AAK1: variants seen among roughly 807,000 people sequenced by gnomAD.
The protein encoded by AAK1 is AP2-associated protein kinase 1.
In AAK1, 37 loss-of-function variants were observed where a neutral mutation model predicts 116.0. The observed-to-expected ratio is 0.32, with a 90% confidence interval of 0.25 to 0.42. The LOEUF is 0.42. Among genes scored for constraint, AAK1 ranks in the 10% least tolerant of loss-of-function variants. AAK1 has a pLI of 1.00. For synonymous variants in AAK1, 458 were observed against 439.9 expected (o/e 1.04, Z -0.51); for missense variants, 919 against 1,170.6 (o/e 0.79, Z 3.14).
In AAK1 at chr2:69,468,432, T is replaced by G. The variant is rs981780545; in HGVS notation, c.*7437A>C. Reference sequence around the variant, plus strand: ...AACCACCTTCCTCACATAGTATCAGTTGGACAAAGTTTTCAGTTGCCAAAA... The same window carrying G: ...AACCACCTTCCTCACATAGTATCAGGTGGACAAAGTTTTCAGTTGCCAAAA... On this transcript the variant is annotated 3_prime_UTR_variant, in exon 22 of 22. Coordinates refer to ENST00000409085, the MANE Select transcript of AAK1 (RefSeq NM_014911.5). 1 of 985,328 alleles carries G rather than the reference T, an allele frequency of 1.0e-6. No homozygotes were observed. Among genetic ancestry groups the G allele is most frequent in the Non-Finnish European group, 1.2e-6 (1 of 829,938 alleles). 61.0% of individuals were successfully genotyped at this position (985,328 alleles called of 1,614,324 possible).
chr2:69,485,746 C>T (rs1675273374), intron 17 of AAK1, among the ~76,000 whole-genome samples: 1 of 151,820 alleles, frequency 6.6e-6, no homozygotes, highest in Non-Finnish European at 1.5e-5. Flanking sequence ...TTGCAACCTC[C>T]CTCTCCCATG....
At position 69,468,303 on chromosome 2, in the gene AAK1, G is replaced by C. The variant is rs56752877; in HGVS notation, c.*7566C>G. On this transcript the variant is annotated 3_prime_UTR_variant, in exon 22 of 22. Coordinates refer to ENST00000409085, the MANE Select transcript of AAK1 (RefSeq NM_014911.5). Reference sequence around the variant, plus strand: ...AGATTTGTCTCAGTGATACCAAGATGATAATTTCTGGGAGGAAATTCAAAT... The same window carrying C: ...AGATTTGTCTCAGTGATACCAAGATCATAATTTCTGGGAGGAAATTCAAAT... 1.0e-6 allele frequency: 1 copy of C among 985,102 alleles called. No homozygotes were observed. Among genetic ancestry groups the C allele is most frequent in the African/African-American group, 1.7e-5 (1 of 57,162 alleles). 61.0% of individuals were successfully genotyped at this position (985,102 alleles called of 1,614,324 possible). A position where few individuals can be genotyped will look rare whatever the true frequency, so the allele number is the denominator to read the frequency against.
At chr2:69,602,520 C>T (rs1335784632) in intron 2 of AAK1, among the ~76,000 whole-genome samples, 2 of 151,968 alleles carry the variant, frequency 1.3e-5, no homozygotes, top group African/African-American at 2.4e-5. Context: ...TATTAACCAT[C>T]GGTGAATCTG....
At chr2:69,545,273 C>T (rs145037358) in intron 3 of AAK1, among the ~76,000 whole-genome samples, 1 of 152,282 alleles carries the variant, frequency 6.6e-6, no homozygotes, top group Non-Finnish European at 1.5e-5. Flanking sequence ...AGTGGCCTCA[C>T]ATTTTGGTAT....
chr2:69,465,525 G>T lies in AAK1; in HGVS notation c.*10344C>A. The T allele has an allele frequency of 7.7e-7, 1 of 1,290,962 alleles. No homozygotes were observed. Among genetic ancestry groups the T allele is most frequent in the Non-Finnish European group, 1.0e-6 (1 of 988,888 alleles). The allele number at this position is 1,290,962 out of a possible 1,614,324, so 80.0% of individuals were successfully genotyped here. A position where few individuals can be genotyped will look rare whatever the true frequency, so the allele number is the denominator to read the frequency against. On this transcript the variant is annotated 3_prime_UTR_variant, in exon 22 of 22. Coordinates refer to ENST00000409085, the MANE Select transcript of AAK1 (RefSeq NM_014911.5). ...GGAGGAAAGGGATGTGATAGAAACA[G>T]ACCCAGCTATCGACTGCTTGTTGGT...
intron 12 of AAK1, chr2:69,516,685 C>A (rs1166555962): frequency 1.3e-5 from 2 of 152,180 alleles, no homozygotes; most frequent in African/African-American, 4.8e-5. Flanking sequence ...TTTGAAGAGA[C>A]TTCCACTGGC....
chr2:69,587,324 T>C (rs893212549), intron 2 of AAK1, among the ~76,000 whole-genome samples: 1 of 149,532 alleles, frequency 6.7e-6, no homozygotes, highest in Non-Finnish European at 1.5e-5. Flanking sequence ...TACGCACATA[T>C]ATACACATAT....
intron 2 of AAK1, among the ~76,000 whole-genome samples, chr2:69,589,682 C>A (rs1166196148): frequency 3.5e-5 from 5 of 142,698 alleles, no homozygotes; most frequent in African/African-American, 1.3e-4. Context: ...GTACTCCAGC[C>A]TGGGCAACAA....
At chr2:69,534,952 A>G (rs1173724044) in intron 5 of AAK1, among the ~76,000 whole-genome samples, 1 of 152,242 alleles carries the variant, frequency 6.6e-6, no homozygotes, top group Non-Finnish European at 1.5e-5. Flanking sequence ...AACTTTAGAG[A>G]AAAGGGCACT....
At chr2:69,591,368 G>A (rs1024320541) in intron 2 of AAK1, among the ~76,000 whole-genome samples, 7 of 152,112 alleles carry the variant, frequency 4.6e-5, no homozygotes, top group Non-Finnish European at 5.9e-5. Flanking sequence ...ACCAAGGTAT[G>A]GAAGTATCAT....
chr2:69,641,165 A>T (rs948280479), intron 2 of AAK1, among the ~76,000 whole-genome samples: 1 of 152,234 alleles, frequency 6.6e-6, no homozygotes, highest in Non-Finnish European at 1.5e-5. Context: ...CTTGGAGAAC[A>T]TGCACCGCTT....
In AAK1 at chr2:69,484,717, A is replaced by G. The variant is rs138533697; in HGVS notation, c.2366-1905T>C. Among the ~76,000 whole-genome samples the G allele has an allele frequency of 3.2e-3, 480 of 152,226 alleles. 3 individuals carry two copies. Among genetic ancestry groups the G allele is most frequent in the African/African-American group, 0.011 (444 of 41,542 alleles). On this transcript the variant is annotated intron_variant, in intron 17 of 21. Coordinates refer to ENST00000409085, the MANE Select transcript of AAK1 (RefSeq NM_014911.5). ...TGGCGAAACCCCGCCTCTACTAAAA[A>G]TACAAAAATTAGCCAGGCGTGGTGG...
chr2:69,492,466 G>A (rs973928211), intron 17 of AAK1, among the ~76,000 whole-genome samples: 1 of 149,758 alleles, frequency 6.7e-6, no homozygotes, highest in Non-Finnish European at 1.5e-5. Context: ...CACCTGCCTC[G>A]GCCTCCCAGA....
intron 2 of AAK1, among the ~76,000 whole-genome samples, chr2:69,613,247 A>T (rs1348946916): frequency 6.6e-6 from 1 of 152,204 alleles, no homozygotes; most frequent in Non-Finnish European, 1.5e-5. Context: ...CCATGATGCA[A>T]TAAGAAATAT....
chr2:69,563,021 A>G (rs1273421535), intron 2 of AAK1, among the ~76,000 whole-genome samples: 1 of 152,168 alleles, frequency 6.6e-6, no homozygotes, highest in African/African-American at 2.4e-5. Context: ...CTATGATGGC[A>G]CCACTGCACT....
chr2:69,516,042 C>G (rs528260406), intron 12 of AAK1, among the ~76,000 whole-genome samples: 7 of 152,114 alleles, frequency 4.6e-5, no homozygotes, highest in African/African-American at 1.7e-4. Context: ...AGATTTAACT[C>G]TGAAACTATG....
chr2:69,573,028 G>A (rs1672153392), intron 2 of AAK1, among the ~76,000 whole-genome samples: 2 of 152,112 alleles, frequency 1.3e-5, no homozygotes, highest in Non-Finnish European at 2.9e-5. Context: ...AAAACATAAA[G>A]AAACCCAGCT....
intron 2 of AAK1, among the ~76,000 whole-genome samples, chr2:69,575,205 G>A (rs1443129865): frequency 6.6e-6 from 1 of 151,666 alleles, no homozygotes; most frequent in Non-Finnish European, 1.5e-5. Context: ...CAAACTTGAG[G>A]CTTGTTAAGA....
chr2:69,498,988 G>A (rs1008693446), intron 16 of AAK1, among the ~76,000 whole-genome samples: 3 of 152,194 alleles, frequency 2.0e-5, no homozygotes, highest in Non-Finnish European at 2.9e-5. Context: ...GAGGTGCAGT[G>A]GCATCCCCTT....
Sources: gnomAD v4.1 joint callset for allele counts (sites outside exome capture counted in the v4.1 genomes callset) on GRCh38, gnomAD v4.1.1 for gene constraint, MANE v1.5 for transcripts, NCBI Gene and HGNC (gene_info 2026-07-23, HGNC 2026-07-21) for gene names.